ANXA3: variants seen among roughly 807,000 people sequenced by gnomAD.
The protein encoded by ANXA3 is annexin A3, also known as 35-alpha calcimedin.
In ANXA3, 46 loss-of-function variants were observed where a neutral mutation model predicts 48.8. The observed-to-expected ratio is 0.94, with a 90% CI of 0.74 to 1.21. The LOEUF (loss-of-function observed/expected upper bound fraction) is 1.21, where lower values mean the gene tolerates loss of function less well. Ranked by LOEUF, ANXA3 falls within the 50% of genes most tolerant of loss-of-function variation. The pLI, the probability that ANXA3 is intolerant of heterozygous loss-of-function variation, is 0.00. For synonymous variants in ANXA3, 128 were observed against 134.7 expected, an observed-to-expected ratio of 0.95 and a Z score of 0.35; for missense variants, 383 against 378.6, an observed-to-expected ratio of 1.01 and a Z score of -0.10.
intron 3 of ANXA3, among the ~76,000 whole-genome samples, chr4:78,575,102 TCTACTCCAATGA>T (rs1462378220): frequency 1.3e-5 from 2 of 152,226 alleles, no homozygotes; most frequent in Non-Finnish European, 2.9e-5. Flanking sequence ...GTTTCCTGTC[TCTACTCCAATGA>T]CTGATGCAGT....
intron 5 of ANXA3, among the ~76,000 whole-genome samples, chr4:78,584,508 C>CT (rs1226873043): frequency 6.6e-6 from 1 of 152,076 alleles, no homozygotes; most frequent in East Asian, 1.9e-4. Flanking sequence ...TGTTTATTAT[C>CT]TTTTTTCATC....
At chr4:78,601,711 G>A in intron 11 of ANXA3, 143 bp downstream of exon 11, 1 of 683,066 alleles carries the variant, frequency 1.5e-6, no homozygotes, top group Non-Finnish European at 2.5e-6. Context: ...AGCAAATCAA[G>A]GTATGATACA....
chr4:78,600,923 A>G (rs893152430), intron 10 of ANXA3, among the ~76,000 whole-genome samples: 2 of 151,834 alleles, frequency 1.3e-5, no homozygotes, highest in Admixed American at 6.6e-5. Context: ...AAAATAAAGA[A>G]TTGAAGGATT....
chr4:78,598,076 G>C (rs920991940), intron 10 of ANXA3, among the ~76,000 whole-genome samples: 1 of 151,954 alleles, frequency 6.6e-6, no homozygotes, highest in Non-Finnish European at 1.5e-5. Flanking sequence ...TGCACGTGTA[G>C]TCTTACCTAC....
chr4:78,595,547 T>TTTTTTC (rs1217110875), intron 8 of ANXA3, 110 bp downstream of exon 8: 1 of 1,258,116 alleles, frequency 7.9e-7, no homozygotes, highest in African/African-American at 1.5e-5. Flanking sequence ...TTTCTTTTTT[T>TTTTTTC]TTTTTTCCTG....
chr4:78,586,300 C>G lies in ANXA3; in HGVS notation c.353C>G (p.Thr118Ser). 1 of 1,613,724 alleles carries G rather than the reference C, an allele frequency of 6.2e-7. No individual in the cohort carries two copies. The highest frequency in any genetic ancestry group is 8.5e-7 in the Non-Finnish European group (1 of 1,179,798). The change falls in exon 6 of 13, where the codon ACT becomes AGT. Residue 118 changes from threonine to serine, a missense_variant. Transcript: ENST00000264908. The stretch of plus-strand genomic sequence containing the variant: ...GAAGATGCCTTGATTGAAATCTTAA[C>G]TACCAGGACAAGCAGGCAAATGAAG... The part of the protein sequence containing the change: ...TNEDALIEIL[T>S]TRTSRQMKDI...
intron 2 of ANXA3, among the ~76,000 whole-genome samples, chr4:78,555,705 G>A (rs1442521713): frequency 2.0e-5 from 3 of 151,390 alleles, no homozygotes; most frequent in Non-Finnish European, 2.9e-5. Flanking sequence ...TTAAAAATTA[G>A]CTGAACGTTG....
At chr4:78,579,590 T>C (rs1723032876) in intron 4 of ANXA3, among the ~76,000 whole-genome samples, 1 of 152,274 alleles carries the variant, frequency 6.6e-6, no homozygotes, top group African/African-American at 2.4e-5. Flanking sequence ...CTTTTATTTC[T>C]CTTTTAATTT....
At chr4:78,569,555 G>T (rs1268818798) in intron 2 of ANXA3, among the ~76,000 whole-genome samples, 3 of 152,162 alleles carry the variant, frequency 2.0e-5, no homozygotes, top group Admixed American at 2.0e-4. Flanking sequence ...TTTCTAGACA[G>T]CTAAGAAGGA....
chr4:78,576,880 A>G (rs1310230548), intron 3 of ANXA3, among the ~76,000 whole-genome samples: 4 of 152,186 alleles, frequency 2.6e-5, no homozygotes, highest in Non-Finnish European at 5.9e-5. Flanking sequence ...TTTAAAAATA[A>G]GAGATGAGAA....
At chr4:78,598,171 T>TA (rs1174332341) in intron 10 of ANXA3, among the ~76,000 whole-genome samples, 3 of 146,150 alleles carry the variant, frequency 2.1e-5, no homozygotes, top group Non-Finnish European at 3.0e-5. Flanking sequence ...TCTCTTTAAT[T>TA]AAAAAAACCA....
intron 8 of ANXA3, 137 bp from the exon 9 acceptor site, chr4:78,595,657 G>A: frequency 2.7e-6 from 2 of 754,562 alleles, no homozygotes; most frequent in East Asian, 2.7e-5. Flanking sequence ...CCCAATTTTT[G>A]ATTTCTAGTC....
chr4:78,597,733 C>T (rs9631733), intron 10 of ANXA3, among the ~76,000 whole-genome samples: 14,976 of 152,086 alleles, frequency 0.098, 2,348 homozygotes, highest in African/African-American at 0.34. Flanking sequence ...CCACCTCAGC[C>T]TCCCAAGTAG....
At chr4:78,600,293 A>C (rs1362544664) in intron 10 of ANXA3, among the ~76,000 whole-genome samples, 1 of 152,194 alleles carries the variant, frequency 6.6e-6, no homozygotes, top group East Asian at 1.9e-4. Context: ...CCTCCTTCCC[A>C]CTGAAACATA....
At chr4:78,583,272 G>T (rs755004883) in intron 5 of ANXA3, among the ~76,000 whole-genome samples, 1 of 152,070 alleles carries the variant, frequency 6.6e-6, no homozygotes. Flanking sequence ...AGCCCAGAAG[G>T]TCAAGGCTGC....
At chr4:78,594,967 C>G (rs755645438) in intron 7 of ANXA3, among the ~76,000 whole-genome samples, 1 of 152,082 alleles carries the variant, frequency 6.6e-6, no homozygotes, top group Non-Finnish European at 1.5e-5. Context: ...GATCCCATCT[C>G]TAAAAAAAAT....
At chr4:78,558,063 A>G (rs1318618554) in intron 2 of ANXA3, among the ~76,000 whole-genome samples, 1 of 152,264 alleles carries the variant, frequency 6.6e-6, no homozygotes, top group African/African-American at 2.4e-5. Context: ...GTTGTGTGAG[A>G]GGAAGAAAAC....
intron 10 of ANXA3, among the ~76,000 whole-genome samples, chr4:78,597,635 C>G (rs968213774): frequency 6.6e-6 from 1 of 152,022 alleles, no homozygotes; most frequent in African/African-American, 2.4e-5. Context: ...TTTTTTGAAA[C>G]AGGATCTCAC....
rs774182367 is a variant in ANXA3, at chr4:78,573,240, G to A, written c.76G>A (p.Ala26Thr). 1.2e-6 allele frequency: 2 copies of A among 1,613,236 alleles called. No individual in the cohort carries two copies. Among genetic ancestry groups the A allele is most frequent in the African/African-American group, 1.3e-5 (1 of 74,908 alleles). Residue 26 changes from alanine to threonine, a missense_variant, in exon 3 of 13, where the codon GCT becomes ACT. Physicochemically the swap from Ala to Thr is moderately conservative, Grantham distance 58. Transcript: ENST00000264908. ...CTTTAGCCCATCAGTGGATGCTGAA[G>A]CTATTCAGAAAGCAATCAGAGGAAT... ...PDFSPSVDAE[A>T]IQKAIRGIGT...
Sources: allele counts gnomAD v4.1 joint callset (sites outside exome capture counted in the v4.1 genomes callset), GRCh38; gene constraint gnomAD v4.1.1; transcripts MANE v1.5; gene names NCBI Gene and HGNC (gene_info 2026-07-23, HGNC 2026-07-21).